Variants in DUSP29 observed in about 807,000 individuals in gnomAD.
DUSP29 encodes the protein dual specificity phosphatase 29.
In DUSP29, 12 loss-of-function variants were observed where a neutral mutation model predicts 13.5. That is an observed-to-expected ratio of 0.89 (90% CI 0.57 to 1.44). The LOEUF (loss-of-function observed/expected upper bound fraction) is 1.44. Among genes scored for constraint, DUSP29 ranks in the 40% most tolerant of loss-of-function variants. The pLI is 0.00. For missense variants in DUSP29, 308 were observed against 301.1 expected, an observed-to-expected ratio of 1.02 and a Z score of -0.17; for synonymous variants, 134 against 128.7, an observed-to-expected ratio of 1.04 and a Z score of -0.28.
At chr10:75,064,213 TTA>T (rs1246495984) in intron 1 of DUSP29, among the ~76,000 whole-genome samples, 3 of 146,886 alleles carry the variant, frequency 2.0e-5, no homozygotes, top group African/African-American at 8.0e-5. Context: ...AATTTTTTTT[TTA>T]AAGTTTTTTT....
chr10:75,049,615 C>T (rs1248414132), intron 2 of DUSP29, among the ~76,000 whole-genome samples: 2 of 152,230 alleles, frequency 1.3e-5, no homozygotes, highest in South Asian at 2.1e-4. Flanking sequence ...ATGTTAAATT[C>T]GCAACCTTGA....
Position 75,043,777 on chromosome 10 carries a change from C to T in DUSP29, c.421+20G>A, listed in dbSNP as rs749643908. 7 of 1,590,430 alleles carry T rather than the reference C, an allele frequency of 4.4e-6. No homozygotes were observed. Among genetic ancestry groups the T allele is most frequent in the Non-Finnish European group, 3.4e-6 (4 of 1,173,162 alleles). On this transcript the variant is annotated intron_variant, in intron 3 of 3. Coordinates refer to ENST00000338487, the MANE Select transcript of DUSP29 (RefSeq NM_001003892.3). ...CGGGGCGGGGCGGGGCCGATCGGGG[C>T]GGGGCCGCGGGTCTCTTACTGTGGT...
At chr10:75,063,981 C>T (rs1208378734) in intron 1 of DUSP29, among the ~76,000 whole-genome samples, 2 of 152,134 alleles carry the variant, frequency 1.3e-5, no homozygotes, top group Non-Finnish European at 1.5e-5. Flanking sequence ...CATTTCCTTC[C>T]ATGAAAGTGA....
At chr10:75,041,503 C>A (rs1846583175) in intron 3 of DUSP29, among the ~76,000 whole-genome samples, 1 of 152,228 alleles carries the variant, frequency 6.6e-6, no homozygotes, top group African/African-American at 2.4e-5. Context: ...GGGCTCTCTG[C>A]TTAGCCACAA....
intron 1 of DUSP29, among the ~76,000 whole-genome samples, chr10:75,061,017 G>C (rs1185387865): frequency 7.9e-5 from 12 of 152,172 alleles, no homozygotes; most frequent in Non-Finnish European, 1.8e-4. Flanking sequence ...ATTGGGGCTG[G>C]ATGATGGTTA....
rs780168016 is a variant in DUSP29 at position 75,037,986 on chromosome 10, C to T, written c.513G>A (p.Val171=). The T allele has an allele frequency of 3.7e-6, 6 of 1,613,840 alleles. No individual in the cohort carries two copies. The South Asian group carries it at 6.6e-5, about 18-fold the overall frequency. The part of the protein sequence containing the change: ...YLMIHKDMTL[V]DAIQQVAKNR... ...TCTTGGCCACTTGCTGGATGGCGTCCACCAGGGTCATGTCCTTGTGGATCA... is the reference window on the plus strand; with the variant it reads ...TCTTGGCCACTTGCTGGATGGCGTCTACCAGGGTCATGTCCTTGTGGATCA... The change falls in exon 4 of 4, where the codon GTG becomes GTA. Residue 171 remains valine, a synonymous_variant. Coordinates refer to ENST00000338487, the MANE Select transcript of DUSP29 (RefSeq NM_001003892.3).
At chr10:75,043,434 G>T (rs766785943) in intron 3 of DUSP29, among the ~76,000 whole-genome samples, 1 of 152,170 alleles carries the variant, frequency 6.6e-6, no homozygotes, top group Non-Finnish European at 1.5e-5. Context: ...CAAAGACTCC[G>T]ACCAAAAGGC....
chr10:75,072,336 T>G (rs1269960615), intron 1 of DUSP29, among the ~76,000 whole-genome samples: 1 of 152,074 alleles, frequency 6.6e-6, no homozygotes, highest in African/African-American at 2.4e-5. Flanking sequence ...CCCCACAGCC[T>G]GCCCGTCTGT....
intron 2 of DUSP29, among the ~76,000 whole-genome samples, chr10:75,044,735 G>A (rs1846667328): frequency 6.6e-6 from 1 of 152,218 alleles, no homozygotes; most frequent in African/African-American, 2.4e-5. Context: ...CTTGAAGTAG[G>A]TGGCTCTGAA....
At chr10:75,067,980 T>C (rs998491104) in intron 1 of DUSP29, among the ~76,000 whole-genome samples, 6 of 152,212 alleles carry the variant, frequency 3.9e-5, no homozygotes, top group African/African-American at 1.4e-4. Flanking sequence ...GCCCAGCTAA[T>C]TTTTGTATTT....
chr10:75,052,035 C>T (rs541530297), intron 2 of DUSP29, among the ~76,000 whole-genome samples: 2 of 152,044 alleles, frequency 1.3e-5, no homozygotes, highest in Non-Finnish European at 2.9e-5. Flanking sequence ...TATTGGGGCT[C>T]GATTAGGCAC....
At chr10:75,050,309 T>C (rs1846798967) in intron 2 of DUSP29, among the ~76,000 whole-genome samples, 2 of 152,264 alleles carry the variant, frequency 1.3e-5, no homozygotes, top group Non-Finnish European at 2.9e-5. Context: ...ACTCAAGCAT[T>C]TTTGAAGCAC....
intron 1 of DUSP29, among the ~76,000 whole-genome samples, chr10:75,069,583 C>T (rs1401394648): frequency 6.6e-6 from 1 of 152,224 alleles, no homozygotes; most frequent in Non-Finnish European, 1.5e-5. Flanking sequence ...GTCTCAGATG[C>T]TACACAGAGG....
intron 1 of DUSP29, among the ~76,000 whole-genome samples, chr10:75,060,598 A>G (rs1010818921): frequency 3.9e-5 from 6 of 152,174 alleles, no homozygotes; most frequent in African/African-American, 9.7e-5. Context: ...TTTACAAACT[A>G]TATACTACTG....
Position 75,059,994 on chromosome 10 carries a change from A to G in DUSP29, c.-34-1446T>C, listed in dbSNP as rs190662771. On this transcript the variant is annotated intron_variant, in intron 1 of 3. Transcript: ENST00000338487. ...CCTAACATGGCGAAACCCCATCTCT[A>G]CTAAAAATACAAAAAATTAGCCGGG... Among the ~76,000 whole-genome samples, 38 of 151,798 alleles carry G rather than the reference A, an allele frequency of 2.5e-4. 1 individual carries two copies. The highest frequency in any genetic ancestry group is 7.7e-4 in the African/African-American group (32 of 41,358).
chr10:75,040,644 G>A (rs1846561021), intron 3 of DUSP29, among the ~76,000 whole-genome samples: 1 of 152,210 alleles, frequency 6.6e-6, no homozygotes, highest in Non-Finnish European at 1.5e-5. Flanking sequence ...AATAAGGGCA[G>A]AGGACTCTTC....
At chr10:75,063,573 C>T (rs1014272276) in intron 1 of DUSP29, among the ~76,000 whole-genome samples, 1 of 152,062 alleles carries the variant, frequency 6.6e-6, no homozygotes, top group Non-Finnish European at 1.5e-5. Flanking sequence ...ATATGTCCTG[C>T]ACAGTCTCCT....
chr10:75,044,827 G>T (rs185221571), intron 2 of DUSP29, among the ~76,000 whole-genome samples: 128 of 152,284 alleles, frequency 8.4e-4, no homozygotes, highest in African/African-American at 3.0e-3. Context: ...TCCTGCCTGT[G>T]GGGTGGGGCA....
chr10:75,071,356 G>A (rs1292612186), intron 1 of DUSP29, among the ~76,000 whole-genome samples: 1 of 152,180 alleles, frequency 6.6e-6, no homozygotes. Flanking sequence ...GGGAAGGCTT[G>A]GTGGAGGCTG....
Sources: allele counts gnomAD v4.1 joint callset (sites outside exome capture counted in the v4.1 genomes callset), GRCh38; gene constraint gnomAD v4.1.1; transcripts MANE v1.5; gene names NCBI Gene and HGNC (gene_info 2026-07-23, HGNC 2026-07-21).